The following SLC41A2 variants were observed in gnomAD, a reference collection of about 807,000 sequenced individuals.
SLC41A2 encodes SLC41A1-like 1.
SLC41A2 carries 32 observed loss-of-function variants against 58.3 expected under a neutral mutation model. The ratio of observed to expected loss-of-function variants is 0.55; its 90% CI spans 0.41 to 0.74. The LOEUF (loss-of-function observed/expected upper bound fraction) is 0.74. SLC41A2 is among the 30% of genes least tolerant of loss of function. SLC41A2 has a pLI of 0.00. For missense variants in SLC41A2, 514 were observed against 680.6 expected, an observed-to-expected ratio of 0.76 and a Z score of 2.72; for synonymous variants, 190 against 235.0, an observed-to-expected ratio of 0.81 and a Z score of 1.75.
At position 104,886,280 on chromosome 12, in the gene SLC41A2, T is replaced by C; in HGVS notation, c.1027+13A>G. On this transcript the variant is annotated intron_variant, in intron 6 of 10. Transcript: ENST00000258538. ...TGAGACAACACACAATATTTAGTTT[T>C]AAATCAACTTACCAAGACAGGAGTA... 2 of 1,610,820 alleles carry C rather than the reference T, an allele frequency of 1.2e-6. No homozygotes were observed. The highest frequency in any genetic ancestry group is 2.2e-5 in the South Asian group (2 of 90,730).
rs148908445 is a variant in SLC41A2 at position 104,808,853 on chromosome 12, G to A, written c.1537-3516C>T. 6.0e-3 allele frequency among the ~76,000 whole-genome samples: 910 copies of A among 152,228 alleles called. 4 individuals carry two copies. The highest frequency in any genetic ancestry group is 9.3e-3 in the Non-Finnish European group (632 of 68,004). Reference sequence around the variant, plus strand: ...CTTCTAGATTTTCTAGTTTATTTGCGTAGAGGTGTTTATAGTATTCTCTGA... The same window carrying A: ...CTTCTAGATTTTCTAGTTTATTTGCATAGAGGTGTTTATAGTATTCTCTGA... On this transcript the variant is annotated intron_variant, in intron 10 of 10. Transcript: ENST00000258538.
chr12:104,852,326 G>C (rs1159841391), intron 8 of SLC41A2, among the ~76,000 whole-genome samples: 1 of 152,186 alleles, frequency 6.6e-6, no homozygotes, highest in Admixed American at 6.5e-5. Context: ...AATGTTCTAT[G>C]TGGTATTTTA....
intron 1 of SLC41A2, among the ~76,000 whole-genome samples, chr12:104,930,791 G>C (rs1023684794): frequency 6.6e-6 from 1 of 152,094 alleles, no homozygotes; most frequent in Non-Finnish European, 1.5e-5. Context: ...AGAAAACAAG[G>C]GGGAATTTCC....
At chr12:104,956,475 T>C (rs898186450) in intron 1 of SLC41A2, among the ~76,000 whole-genome samples, 3 of 152,308 alleles carry the variant, frequency 2.0e-5, no homozygotes, top group African/African-American at 7.2e-5. Context: ...ATTCAGGAGT[T>C]GGAGACCAAC....
chr12:104,920,854 G>A (rs1211113361), intron 2 of SLC41A2, among the ~76,000 whole-genome samples: 2 of 152,184 alleles, frequency 1.3e-5, no homozygotes, highest in African/African-American at 2.4e-5. Context: ...AACCTGGGAA[G>A]CAGAGCTTGC....
chr12:104,825,851 G>A (rs897637551), intron 10 of SLC41A2, among the ~76,000 whole-genome samples: 3 of 152,210 alleles, frequency 2.0e-5, no homozygotes, highest in Non-Finnish European at 4.4e-5. Context: ...TTTATGGCAT[G>A]AACAGTCCCT....
Position 104,928,125 on chromosome 12 carries a change from T to G in SLC41A2, c.403A>C (p.Ile135Leu). 1 of 1,614,214 alleles carries G rather than the reference T, an allele frequency of 6.2e-7. No individual in the cohort carries two copies. The highest frequency in any genetic ancestry group is 8.5e-7 in the Non-Finnish European group (1 of 1,180,036). Residue 135 changes from isoleucine to leucine, a missense_variant, in exon 2 of 11, where the codon ATA becomes CTA. Ile to Leu is a conservative substitution (Grantham distance 5, BLOSUM62 2). Transcript: ENST00000258538. Reference protein sequence around the residue: ...ETTAMLQDEDISSDGDEDAIV... With the variant: ...ETTAMLQDEDLSSDGDEDAIV... Reference sequence around the variant, plus strand: ...GCATCTTCATCACCATCACTAGATATATCTTCATCTTGTAACATGGCAGTG... The same window carrying G: ...GCATCTTCATCACCATCACTAGATAGATCTTCATCTTGTAACATGGCAGTG...
chr12:104,884,333 C>T (rs1354692171), intron 6 of SLC41A2, among the ~76,000 whole-genome samples: 1 of 152,196 alleles, frequency 6.6e-6, no homozygotes, highest in Admixed American at 6.5e-5. Flanking sequence ...TCGGCTCACA[C>T]ACTGTGGGCT....
rs1593078402 is a variant in SLC41A2, at chr12:104,889,077, C to A, written c.836G>T (p.Cys279Phe). ...GAAGGCAGTTGCCACACTGCTAGAGCACAGAAGTATGGAATGATCAAGGTA... is the reference window on the plus strand; with the variant it reads ...GAAGGCAGTTGCCACACTGCTAGAGAACAGAAGTATGGAATGATCAAGGTA... The part of the protein sequence containing the change: ...KYYLDHSILL[C>F]SSSVATAFIA... The change falls in exon 5 of 11, where the codon TGC becomes TTC. Residue 279 changes from cysteine to phenylalanine, a missense_variant. Cys to Phe is a radical substitution (Grantham distance 205, BLOSUM62 -2). Around this residue, in one of 3 missense-constraint regions of SLC41A2, gnomAD observed 336 missense variants for 430.0 expected, o/e 0.78. Transcript: ENST00000258538. 1 of 1,609,170 alleles carries A rather than the reference C, an allele frequency of 6.2e-7. No individual in the cohort carries two copies. Among genetic ancestry groups the A allele is most frequent in the African/African-American group, 1.3e-5 (1 of 74,746 alleles).
At chr12:104,944,412 C>T (rs757191230) in intron 1 of SLC41A2, among the ~76,000 whole-genome samples, 1 of 152,240 alleles carries the variant, frequency 6.6e-6, no homozygotes, top group Non-Finnish European at 1.5e-5. Context: ...CTCCAAACTG[C>T]ACTTTCCGTA....
chr12:104,809,469 C>G (rs2041075597), intron 10 of SLC41A2, among the ~76,000 whole-genome samples: 1 of 152,172 alleles, frequency 6.6e-6, no homozygotes, highest in African/African-American at 2.4e-5. Flanking sequence ...GGACATCTGT[C>G]AGAGAGAGGT....
chr12:104,835,994 G>A (rs925237196), intron 10 of SLC41A2, among the ~76,000 whole-genome samples: 3 of 152,140 alleles, frequency 2.0e-5, no homozygotes, highest in African/African-American at 4.8e-5. Context: ...ACAGGCACAA[G>A]CCACCATGCC....
Position 104,895,288 on chromosome 12 carries a change from A to C in SLC41A2, c.721T>G (p.Leu241Val). The C allele has an allele frequency of 6.2e-7, 1 of 1,613,024 alleles. No homozygotes were observed. Among genetic ancestry groups the C allele is most frequent in the East Asian group, 2.2e-5 (1 of 44,752 alleles). ...IEKWNLIIGNLALKQVQATVV... is the reference protein window; with the variant it reads ...IEKWNLIIGNVALKQVQATVV... ...GTACCACTTACCTGCTTTAAAGCCA[A>C]GTTGCCAATTATTAGGTTCCACTTT... Residue 241 changes from leucine to valine, a missense_variant, in exon 4 of 11, where the codon TTG becomes GTG. By Grantham distance (32) the Leu-to-Val change is conservative. This residue lies in a region of SLC41A2 where 336 missense variants were observed against 430.0 expected (regional missense o/e 0.78). Coordinates refer to ENST00000258538, the MANE Select transcript of SLC41A2 (RefSeq NM_001352171.3).
chr12:104,844,813 T>C (rs1326666243), intron 9 of SLC41A2, among the ~76,000 whole-genome samples, 193 bp from the exon 10 acceptor site: 1 of 152,186 alleles, frequency 6.6e-6, no homozygotes, highest in African/African-American at 2.4e-5. Context: ...TATATGTTAA[T>C]TAAATGAAAG....
intron 8 of SLC41A2, among the ~76,000 whole-genome samples, chr12:104,846,329 TAGA>T (rs2042598668): frequency 6.6e-6 from 1 of 152,154 alleles, no homozygotes; most frequent in African/African-American, 2.4e-5. Flanking sequence ...TAGATAAAGC[TAGA>T]AACTTTTCTT....
chr12:104,926,256 T>C (rs1027871456), intron 2 of SLC41A2, among the ~76,000 whole-genome samples: 1 of 152,076 alleles, frequency 6.6e-6, no homozygotes, highest in Non-Finnish European at 1.5e-5. Context: ...ACTTATTACT[T>C]TAGAAAGATA....
At chr12:104,875,252 T>G (rs1263874818) in intron 6 of SLC41A2, among the ~76,000 whole-genome samples, 8 of 152,224 alleles carry the variant, frequency 5.3e-5, no homozygotes, top group Admixed American at 5.2e-4. Context: ...TCAGAAATAT[T>G]AGCCTATAGT....
At chr12:104,819,531 G>A (rs185113564) in intron 10 of SLC41A2, among the ~76,000 whole-genome samples, 2 of 152,244 alleles carry the variant, frequency 1.3e-5, no homozygotes, top group African/African-American at 4.8e-5. Context: ...TGAAGACAAA[G>A]TCAAAGTTGA....
At chr12:104,821,542 T>C (rs1367693766) in intron 10 of SLC41A2, among the ~76,000 whole-genome samples, 1 of 152,198 alleles carries the variant, frequency 6.6e-6, no homozygotes, top group Non-Finnish European at 1.5e-5. Flanking sequence ...CTAAATATAG[T>C]AGATGAATAA....
Sources: allele counts gnomAD v4.1 joint callset (sites outside exome capture counted in the v4.1 genomes callset), GRCh38; gene constraint gnomAD v4.1.1; regional missense constraint gnomAD v4.1.1; transcripts MANE v1.5; gene names NCBI Gene and HGNC (gene_info 2026-07-23, HGNC 2026-07-21).